The following GTF2F2 variants were observed in gnomAD, a reference collection of about 807,000 sequenced individuals.
GTF2F2 encodes ATP-dependent helicase GTF2F2.
In GTF2F2, 23 loss-of-function variants were observed where a neutral mutation model predicts 42.2. The observed-to-expected ratio is 0.55, with a 90% CI of 0.39 to 0.77. The LOEUF is 0.77. GTF2F2 is among the 30% of genes least tolerant of loss of function. The probability of loss-of-function intolerance (pLI) is 0.00; values close to 1 mark genes in which losing one functional copy is unlikely to be tolerated. For synonymous variants in GTF2F2, 105 were observed against 100.8 expected (o/e 1.04, Z -0.25); for missense variants, 261 against 287.2 (o/e 0.91, Z 0.66).
At chr13:45,149,290 G>A (rs1204209272) in intron 2 of GTF2F2, among the ~76,000 whole-genome samples, 2 of 150,548 alleles carry the variant, frequency 1.3e-5, no homozygotes, top group Non-Finnish European at 3.0e-5. Flanking sequence ...AAAAAATACA[G>A]AAGTTAGCTG....
At chr13:45,241,210 CATTCTTAAATAGT>C (rs1301333583) in intron 5 of GTF2F2, among the ~76,000 whole-genome samples, 1 of 147,308 alleles carries the variant, frequency 6.8e-6, no homozygotes, top group African/African-American at 2.5e-5. Context: ...TATATATCTG[CATTCTTAAATAGT>C]TAGAAGATCT....
chr13:45,248,672 C>T (rs899145423), intron 5 of GTF2F2, among the ~76,000 whole-genome samples: 10 of 152,128 alleles, frequency 6.6e-5, no homozygotes, highest in African/African-American at 2.2e-4. Flanking sequence ...GACTGGGTTT[C>T]GCCATGTTGG....
In GTF2F2 at chr13:45,229,658, G is replaced by A. The variant is rs146428705; in HGVS notation, c.386+22153G>A. 6.7e-3 allele frequency among the ~76,000 whole-genome samples: 1,014 copies of A among 152,236 alleles called. 12 individuals carry two copies. The highest frequency in any genetic ancestry group is 0.023 in the African/African-American group (966 of 41,534). ...AAAAGAGGTAGGAAAGATGGTGAAG[G>A]CCAGATGTTAGAGAGCTGTCGACAG... On this transcript the variant is annotated intron_variant, in intron 5 of 7. Coordinates refer to ENST00000340473, the MANE Select transcript of GTF2F2 (RefSeq NM_004128.3).
intron 5 of GTF2F2, among the ~76,000 whole-genome samples, chr13:45,212,651 T>G (rs1054113897): frequency 6.6e-6 from 1 of 151,788 alleles, no homozygotes; most frequent in Non-Finnish European, 1.5e-5. Context: ...CTCCAGCCTC[T>G]GCCTCCCAGG....
At chr13:45,217,511 C>G (rs1159895917) in intron 5 of GTF2F2, among the ~76,000 whole-genome samples, 1 of 152,144 alleles carries the variant, frequency 6.6e-6, no homozygotes, top group African/African-American at 2.4e-5. Flanking sequence ...TCTTGTTCAT[C>G]TTCATTCTAA....
chr13:45,161,228 C>G (rs565075127), intron 4 of GTF2F2, among the ~76,000 whole-genome samples: 1 of 152,078 alleles, frequency 6.6e-6, no homozygotes, highest in Non-Finnish European at 1.5e-5. Flanking sequence ...CCTTACCCAC[C>G]GTTGCTTTTG....
At chr13:45,175,153 T>A (rs1871812037) in intron 4 of GTF2F2, among the ~76,000 whole-genome samples, 1 of 152,224 alleles carries the variant, frequency 6.6e-6, no homozygotes, top group African/African-American at 2.4e-5. Context: ...TTCTGTGAAA[T>A]CAACTGTTTT....
chr13:45,121,853 AT>A (rs1313271353), intron 1 of GTF2F2, among the ~76,000 whole-genome samples: 2 of 152,186 alleles, frequency 1.3e-5, no homozygotes, highest in African/African-American at 4.8e-5. Context: ...AAAAGGATGG[AT>A]TAAATAGGCA....
At position 45,283,773 on chromosome 13, in the gene GTF2F2, G is replaced by A; in HGVS notation, c.*212G>A. 3.6e-6 allele frequency: 1 copy of A among 274,756 alleles called. No individual in the cohort carries two copies. Among genetic ancestry groups the A allele is most frequent in the East Asian group, 6.5e-5 (1 of 15,272 alleles). 17.0% of individuals were successfully genotyped at this position (274,756 alleles called of 1,614,324 possible). On this transcript the variant is annotated 3_prime_UTR_variant, in exon 8 of 8. Coordinates refer to ENST00000340473, the MANE Select transcript of GTF2F2 (RefSeq NM_004128.3). ...ACAGATTTATTTATAGACTTAACTT[G>A]TATTAAACCAGATTATTCACAGTAG...
chr13:45,254,262 T>C (rs1312595247), intron 6 of GTF2F2, among the ~76,000 whole-genome samples: 5 of 152,164 alleles, frequency 3.3e-5, no homozygotes, highest in Non-Finnish European at 5.9e-5. Flanking sequence ...ATCAGAGATA[T>C]GTATGTATAG....
chr13:45,168,872 T>A (rs1385014608), intron 4 of GTF2F2, among the ~76,000 whole-genome samples: 1 of 37,004 alleles, frequency 2.7e-5, no homozygotes, highest in Non-Finnish European at 5.5e-5. Context: ...TCCTTGCTTC[T>A]CTCCCTCCTT....
chr13:45,204,399 T>C (rs567118106), intron 4 of GTF2F2, among the ~76,000 whole-genome samples: 1 of 152,312 alleles, frequency 6.6e-6, no homozygotes, highest in South Asian at 2.1e-4. Flanking sequence ...AAGAAATGTG[T>C]GAGAATAAAA....
intron 5 of GTF2F2, among the ~76,000 whole-genome samples, chr13:45,251,415 G>A (rs1463016790): frequency 6.6e-6 from 1 of 151,826 alleles, no homozygotes; most frequent in Non-Finnish European, 1.5e-5. Flanking sequence ...CAGCATTTTT[G>A]TGGTTTTCAA....
At position 45,125,040 on chromosome 13, in the gene GTF2F2, T is replaced by C. The variant is rs575735184; in HGVS notation, c.66+4319T>C. On this transcript the variant is annotated intron_variant, in intron 1 of 7. Transcript: ENST00000340473. ...ACATTGGTGGCCAAAGAGAAAGTTA[T>C]ATACAAGGGAGAGATGAAACTGGAA... 2.6e-5 allele frequency among the ~76,000 whole-genome samples: 4 copies of C among 152,350 alleles called. No homozygotes were observed. In the South Asian group the frequency reaches 6.2e-4, roughly 24 times the overall value.
intron 4 of GTF2F2, among the ~76,000 whole-genome samples, chr13:45,175,631 C>CT (rs926469545): frequency 1.3e-5 from 2 of 152,024 alleles, no homozygotes; most frequent in South Asian, 2.1e-4. Flanking sequence ...TTCTTTTTCT[C>CT]TTTTTTTTGA....
chr13:45,184,648 A>T (rs970018254), intron 4 of GTF2F2, among the ~76,000 whole-genome samples: 3 of 152,160 alleles, frequency 2.0e-5, no homozygotes, highest in Non-Finnish European at 4.4e-5. Flanking sequence ...TTTTAAAAAG[A>T]TAAAGTGAAT....
At chr13:45,199,229 C>T (rs1873053646) in intron 4 of GTF2F2, among the ~76,000 whole-genome samples, 1 of 152,166 alleles carries the variant, frequency 6.6e-6, no homozygotes, top group Non-Finnish European at 1.5e-5. Context: ...CAAGGAAGCC[C>T]AGGAAAATTG....
At position 45,141,003 on chromosome 13, in the gene GTF2F2, G is replaced by A. The variant is rs1214633812; in HGVS notation, c.140+4197G>A. Among the ~76,000 whole-genome samples, 4 of 152,240 alleles carry A rather than the reference G, an allele frequency of 2.6e-5. No individual in the cohort carries two copies. The East Asian group carries it at 7.7e-4, about 29-fold the overall frequency. On this transcript the variant is annotated intron_variant, in intron 2 of 7. Transcript: ENST00000340473. ...ATAATAATGCCTTCCCAACCCATAG[G>A]ATGTTTATAAAACATTAAATAGCTT...
At chr13:45,146,433 A>G (rs1278876655) in intron 2 of GTF2F2, among the ~76,000 whole-genome samples, 1 of 152,178 alleles carries the variant, frequency 6.6e-6, no homozygotes, top group African/African-American at 2.4e-5. Flanking sequence ...CAGGAAGTCA[A>G]GGCTGCAGTA....
Sources: allele counts gnomAD v4.1 joint callset (sites outside exome capture counted in the v4.1 genomes callset), GRCh38; gene constraint gnomAD v4.1.1; transcripts MANE v1.5; gene names NCBI Gene and HGNC (gene_info 2026-07-23, HGNC 2026-07-21).